Variants in APC observed in about 807,000 individuals in gnomAD.
The protein encoded by APC is APC regulator of Wnt signaling pathway.
In APC, 72 loss-of-function variants were observed where a neutral mutation model predicts 247.0. The observed-to-expected ratio is 0.29, with a 90% confidence interval of 0.24 to 0.35. The LOEUF is 0.35. Ranked by LOEUF, APC falls within the 10% of genes least tolerant of loss-of-function variation. The pLI, the probability that APC is intolerant of heterozygous loss-of-function variation, is 1.00. For synonymous variants in APC, 1,254 were observed against 1,162.5 expected (o/e 1.08, Z -1.60); for missense variants, 3,400 against 3,360.7 (o/e 1.01, Z -0.29).
rs759201675 is a variant in APC, at chr5:112,838,132, T to A, written c.2538T>A (p.Ser846=). ...GAGGAAGCTTAGATAGTTCTCGTTC[T>A]GAAAAAGATAGAAGTTTGGAGAGAG... ...SSRGSLDSSR[S]EKDRSLERER... is the part of the protein sequence containing the mutation. The change falls in exon 16 of 16, where the codon TCT becomes TCA. Residue 846 remains serine (S), a synonymous_variant. Transcript: ENST00000257430. The A allele has an allele frequency of 2.5e-6, 4 of 1,614,208 alleles. No homozygotes were observed. The highest frequency in any genetic ancestry group is 3.4e-6 in the Non-Finnish European group (4 of 1,180,032).
intron 1 of APC, among the ~76,000 whole-genome samples, chr5:112,726,367 G>T (rs576916914): frequency 6.6e-6 from 1 of 152,204 alleles, no homozygotes; most frequent in African/African-American, 2.4e-5. Context: ...GGAGTGGGAA[G>T]ATGATCTTCC....
At chr5:112,794,226 A>T (rs1328281556) in intron 7 of APC, among the ~76,000 whole-genome samples, 1 of 151,784 alleles carries the variant, frequency 6.6e-6, no homozygotes, top group African/African-American at 2.4e-5. Context: ...CGAGTAGCTC[A>T]TGTGCCACCA....
Position 112,842,538 on chromosome 5 carries a change from A to G in APC, c.6944A>G (p.Gln2315Arg), listed in dbSNP as rs1060503273. Residue 2315 changes from glutamine to arginine, a missense_variant, in exon 16 of 16, where the codon CAA becomes CGA. Transcript: ENST00000257430. ...TCGACCCCTTCAAGACCTGCCCAGCAACCATTAAGTAGACCTATACAGTCT... is the reference window on the plus strand; with the variant it reads ...TCGACCCCTTCAAGACCTGCCCAGCGACCATTAAGTAGACCTATACAGTCT... ...RDSTPSRPAQQPLSRPIQSPG... is the reference protein window; with the variant it reads ...RDSTPSRPAQRPLSRPIQSPG... 2 of 1,614,064 alleles carry G rather than the reference A, an allele frequency of 1.2e-6. No homozygotes were observed. Among genetic ancestry groups the G allele is most frequent in the Non-Finnish European group, 8.5e-7 (1 of 1,179,958 alleles).
intron 8 of APC, among the ~76,000 whole-genome samples, chr5:112,809,489 C>T (rs1349377336): frequency 6.6e-6 from 1 of 151,732 alleles, no homozygotes; most frequent in Non-Finnish European, 1.5e-5. Context: ...AAGATGAATA[C>T]CTAGCCTAAA....
At chr5:112,806,579 T>G (rs139063913) in intron 8 of APC, among the ~76,000 whole-genome samples, 9 of 150,484 alleles carry the variant, frequency 6.0e-5, no homozygotes, top group African/African-American at 2.0e-4. Context: ...TTTATTTATT[T>G]ATTTATTTAT....
chr5:112,801,845 A>C (rs1273123179), intron 8 of APC, among the ~76,000 whole-genome samples: 2 of 152,138 alleles, frequency 1.3e-5, no homozygotes, highest in Admixed American at 6.6e-5. Context: ...TGAAAAAGAT[A>C]ATTGTAATGC....
In APC at chr5:112,835,571, A is replaced by AT. The variant is rs1177160786; in HGVS notation, c.1958+406_1958+407insT. ...ATGATGTCTTAGTATCCATAATAAT[A>AT]ATTTTTTTTTTTTTTTTTTGAGACA... On this transcript the variant is annotated intron_variant, in intron 15 of 15. Coordinates refer to ENST00000257430, the MANE Select transcript of APC (RefSeq NM_000038.6). Among the ~76,000 whole-genome samples, 326 of 115,598 alleles carry AT rather than the reference A, an allele frequency of 2.8e-3. 2 individuals are homozygous for AT. Among genetic ancestry groups the AT allele is most frequent in the African/African-American group, 0.011 (308 of 28,946 alleles). 75.8% of individuals were successfully genotyped at this position (115,598 alleles called of 152,430 possible).
rs755437577 is a variant in APC, at chr5:112,801,343, G to A, written c.794G>A (p.Gly265Glu). The change falls in exon 8 of 16, where the codon GGA becomes GAA. Residue 265 changes from glycine to glutamate, a missense_variant. Gly to Glu is a moderately conservative substitution (Grantham distance 98, BLOSUM62 -2). Transcript: ENST00000257430. Reference sequence around the variant, plus strand: ...GCTGAGCGGCAGAATGAAGGTCAAGGAGTGGGAGAAATCAACATGGCAACT... The same window carrying A: ...GCTGAGCGGCAGAATGAAGGTCAAGAAGTGGGAGAAATCAACATGGCAACT... ...HDAERQNEGQ[G>E]VGEINMATSG... 3 of 1,612,734 alleles carry A rather than the reference G, an allele frequency of 1.9e-6. No homozygotes were observed. Among genetic ancestry groups the A allele is most frequent in the East Asian group, 4.5e-5 (2 of 44,832 alleles).
chr5:112,818,927 A>G (rs1004095376), intron 9 of APC, 39 bp from the exon 10 acceptor site: 6 of 1,595,222 alleles, frequency 3.8e-6, no homozygotes, highest in Non-Finnish European at 5.1e-6. Context: ...TTTGGATATT[A>G]AAGTCGTAAT....
intron 2 of APC, among the ~76,000 whole-genome samples, chr5:112,762,487 G>C (rs1343835488): frequency 1.3e-5 from 2 of 152,216 alleles, no homozygotes; most frequent in African/African-American, 2.4e-5. Flanking sequence ...TATTTATACA[G>C]TGGACTGCTA....
chr5:112,719,276 G>T (rs939876667), intron 1 of APC, among the ~76,000 whole-genome samples: 1 of 152,102 alleles, frequency 6.6e-6, no homozygotes, highest in African/African-American at 2.4e-5. Context: ...GGAGTACAGT[G>T]GCACAATCTT....
At chr5:112,737,650 C>T (rs750921745), upstream of APC, among the ~76,000 whole-genome samples, 1 of 152,238 alleles carries the variant, frequency 6.6e-6, no homozygotes, top group Non-Finnish European at 1.5e-5. Flanking sequence ...GGGACTGGGG[C>T]CGCGAGGGCA....
intron 1 of APC, among the ~76,000 whole-genome samples, chr5:112,751,284 C>G (rs1044189167): frequency 2.0e-5 from 3 of 151,906 alleles, no homozygotes; most frequent in African/African-American, 7.3e-5. Flanking sequence ...ATTATAAAGG[C>G]TTTGTACAAT....
chr5:112,799,424 G>A (rs1468271932), intron 7 of APC, among the ~76,000 whole-genome samples: 2 of 151,864 alleles, frequency 1.3e-5, no homozygotes, highest in African/African-American at 4.8e-5. Context: ...TATCCTGTCA[G>A]CGAACCCGAT....
intron 6 of APC, among the ~76,000 whole-genome samples, chr5:112,785,805 C>A (rs1426733602): frequency 6.6e-6 from 1 of 152,174 alleles, no homozygotes; most frequent in African/African-American, 2.4e-5. Context: ...TAAACCCTTA[C>A]CTCACATCTT....
At chr5:112,733,657 A>G (rs997573139), upstream of APC, among the ~76,000 whole-genome samples, 1 of 152,224 alleles carries the variant, frequency 6.6e-6, no homozygotes, top group Non-Finnish European at 1.5e-5. Flanking sequence ...GACCCATTTT[A>G]GACTTCTGAC....
chr5:112,727,366 A>T (rs1751846307), intron 1 of APC, among the ~76,000 whole-genome samples: 1 of 152,228 alleles, frequency 6.6e-6, no homozygotes, highest in African/African-American at 2.4e-5. Flanking sequence ...ATCTGCAGTT[A>T]TTAAATATGA....
intron 1 of APC, among the ~76,000 whole-genome samples, chr5:112,753,889 A>C (rs1052773863): frequency 5.3e-5 from 8 of 152,202 alleles, no homozygotes; most frequent in African/African-American, 1.7e-4. Context: ...AGTAATTAAG[A>C]TAGGCAGGAT....
chr5:112,842,349 C>T lies in APC; in HGVS notation c.6755C>T (p.Pro2252Leu), dbSNP rs574050786. The T allele has an allele frequency of 3.1e-6, 5 of 1,613,932 alleles. No homozygotes were observed. In the South Asian group the frequency reaches 5.5e-5, roughly 18 times the overall value. ...AGTCCTGTTTCTAAAAAAGGCCCAC[C>T]CCTTAAGACTCCAGCCTCCAAAAGC... is the stretch of plus-strand genomic sequence containing the variant. ...STSPVSKKGP[P>L]LKTPASKSPS... The change falls in exon 16 of 16, where the codon CCC becomes CTC. Residue 2252 changes from proline (P) to leucine (L), a missense_variant. Physicochemically the swap from Pro to Leu is moderately conservative, Grantham distance 98. Transcript: ENST00000257430.
Sources: allele counts gnomAD v4.1 joint callset (sites outside exome capture counted in the v4.1 genomes callset), GRCh38; gene constraint gnomAD v4.1.1; transcripts MANE v1.5; gene names NCBI Gene and HGNC (gene_info 2026-07-23, HGNC 2026-07-21).